DAB1: variants seen among roughly 807,000 people sequenced by gnomAD.
The protein encoded by DAB1 is DAB adaptor protein 1.
DAB1 carries 15 observed loss-of-function variants against 64.6 expected under a neutral mutation model. The ratio of observed to expected loss-of-function variants is 0.23; its 90% confidence interval spans 0.16 to 0.36. DAB1 has a LOEUF of 0.36. Among genes scored for constraint, DAB1 ranks in the 10% least tolerant of loss-of-function variants. DAB1 has a pLI of 1.00. For missense variants in DAB1, 596 were observed against 706.7 expected, an observed-to-expected ratio of 0.84 and a Z score of 1.78; for synonymous variants, 235 against 251.9, an observed-to-expected ratio of 0.93 and a Z score of 0.64.
At chr1:58,136,926 C>A (rs913129823) in intron 5 of DAB1, among the ~76,000 whole-genome samples, 5 of 152,116 alleles carry the variant, frequency 3.3e-5, no homozygotes, top group African/African-American at 4.8e-5. Context: ...TCCACTAAGA[C>A]TTCAAGTTGT....
intron 5 of DAB1, among the ~76,000 whole-genome samples, chr1:58,130,620 C>T (rs1264652003): frequency 1.3e-5 from 2 of 151,898 alleles, no homozygotes; most frequent in African/African-American, 4.8e-5. Flanking sequence ...CATATTTAGT[C>T]CTTCCTTCAG....
intron 1 of DAB1, among the ~76,000 whole-genome samples, chr1:57,353,625 C>G: frequency 6.6e-6 from 1 of 152,150 alleles, no homozygotes; most frequent in East Asian, 1.9e-4. Flanking sequence ...TTTTAAGCAA[C>G]AGAAGAAAGG....
At chr1:58,337,608 T>C (rs1269606538) in intron 4 of DAB1, among the ~76,000 whole-genome samples, 1 of 152,142 alleles carries the variant, frequency 6.6e-6, no homozygotes, top group Non-Finnish European at 1.5e-5. Context: ...CTTCCTCATA[T>C]GTAAAGTGAG....
intron 5 of DAB1, among the ~76,000 whole-genome samples, chr1:57,993,315 G>A (rs1286271761): frequency 6.6e-6 from 1 of 152,084 alleles, no homozygotes; most frequent in Non-Finnish European, 1.5e-5. Flanking sequence ...TAATACTACT[G>A]CTGGCCATGT....
chr1:57,853,529 G>A (rs1653624267), intron 1 of DAB1, among the ~76,000 whole-genome samples: 1 of 152,222 alleles, frequency 6.6e-6, no homozygotes, highest in Admixed American at 6.5e-5. Flanking sequence ...TATATGGTAA[G>A]AGTGAAGCTT....
intron 5 of DAB1, among the ~76,000 whole-genome samples, chr1:57,891,903 T>C (rs1644320642): frequency 6.6e-6 from 1 of 152,074 alleles, no homozygotes; most frequent in African/African-American, 2.4e-5. Context: ...AGACGACGGG[T>C]TGATGGGTGC....
chr1:58,415,699 T>C (rs1235251306), intron 3 of DAB1, among the ~76,000 whole-genome samples: 3 of 152,244 alleles, frequency 2.0e-5, no homozygotes, highest in Non-Finnish European at 4.4e-5. Flanking sequence ...TTATAGAGTG[T>C]CAACCGTGTG....
At chr1:57,349,124 A>G (rs910919063) in intron 1 of DAB1, among the ~76,000 whole-genome samples, 2 of 152,164 alleles carry the variant, frequency 1.3e-5, no homozygotes, top group African/African-American at 4.8e-5. Flanking sequence ...TGACTTTCTA[A>G]AAAGGGTGGG....
At chr1:58,049,609 T>C (rs936660411) in intron 5 of DAB1, among the ~76,000 whole-genome samples, 3 of 152,198 alleles carry the variant, frequency 2.0e-5, no homozygotes, top group East Asian at 1.9e-4. Context: ...AGAAAGAGCA[T>C]GGATTTTGGA....
chr1:57,970,341 C>G (rs1204211624), intron 5 of DAB1, among the ~76,000 whole-genome samples: 1 of 152,140 alleles, frequency 6.6e-6, no homozygotes, highest in Non-Finnish European at 1.5e-5. Context: ...GTAGAGAATA[C>G]TACAGCCACC....
chr1:57,951,334 T>TATCTATC (rs1219655257), intron 5 of DAB1, among the ~76,000 whole-genome samples: 2 of 63,846 alleles, frequency 3.1e-5, no homozygotes, highest in Non-Finnish European at 7.3e-5. Flanking sequence ...ATATATATAC[T>TATCTATC]TCCCTGGAAA....
At chr1:57,154,188 C>T (rs1488333856) in intron 2 of DAB1, among the ~76,000 whole-genome samples, 1 of 152,156 alleles carries the variant, frequency 6.6e-6, no homozygotes, top group African/African-American at 2.4e-5. Context: ...ACTGCAGCCC[C>T]CACTACCCTT....
intron 4 of DAB1, among the ~76,000 whole-genome samples, chr1:57,115,489 T>A (rs1202302316): frequency 6.6e-6 from 1 of 152,168 alleles, no homozygotes; most frequent in Non-Finnish European, 1.5e-5. Context: ...CACTGTCCAA[T>A]AAAGGAGTCA....
intron 1 of DAB1, among the ~76,000 whole-genome samples, chr1:57,347,901 C>T (rs1678248751): frequency 6.6e-6 from 1 of 152,098 alleles, no homozygotes; most frequent in Non-Finnish European, 1.5e-5. Context: ...GGTTACTACA[C>T]TGCTGTTTAG....
chr1:57,663,754 C>T (rs189820444), intron 6 of DAB1, among the ~76,000 whole-genome samples: 191 of 151,994 alleles, frequency 1.3e-3, no homozygotes, highest in African/African-American at 4.2e-3. Context: ...ATGCATGTGA[C>T]GGATCCTTAT....
chr1:58,140,668 T>G lies in DAB1; in HGVS notation n.387+9843A>C, dbSNP rs541825938. On this transcript the variant is annotated intron_variant and non_coding_transcript_variant, in intron 5 of 20. Coordinates refer to the DAB1 transcript ENST00000485760. ...CTGCTCTATGAGTCCATGAAAGTAG[T>G]AGAGACTGTGTTCATTTTGTTTTGT... Among the ~76,000 whole-genome samples, 6 of 152,210 alleles carry G rather than the reference T, an allele frequency of 3.9e-5. No homozygotes were observed. In the South Asian group the frequency reaches 1.2e-3, roughly 31 times the overall value.
chr1:57,160,889 T>G (rs1164206193), intron 2 of DAB1, among the ~76,000 whole-genome samples: 1 of 152,108 alleles, frequency 6.6e-6, no homozygotes, highest in Middle Eastern at 3.2e-3. Context: ...GGGCTGGGTA[T>G]AAACACCCAG....
At chr1:58,489,817 T>A (rs1354024537) in intron 3 of DAB1, among the ~76,000 whole-genome samples, 12 of 152,288 alleles carry the variant, frequency 7.9e-5, no homozygotes, top group Non-Finnish European at 1.6e-4. Context: ...CCGCTGCTGA[T>A]ATCCAGGCAA....
rs1553126248 is a variant in DAB1, at chr1:58,542,990, T to TA, written n.32+3712dup. On this transcript the variant is annotated intron_variant and non_coding_transcript_variant, in intron 1 of 20. Transcript: ENST00000485760. Reference sequence around the variant, plus strand: ...AAGAACTACAAACAAAAAGCTTTTTTAAAAAAAAAAAAGTGGATCCACAGA... The same window carrying TA: ...AAGAACTACAAACAAAAAGCTTTTTTAAAAAAAAAAAAAGTGGATCCACAGA... Among the ~76,000 whole-genome samples, 78 of 145,286 alleles carry TA rather than the reference T, an allele frequency of 5.4e-4. 1 individual carries two copies. Among genetic ancestry groups the TA allele is most frequent in the South Asian group, 1.1e-3 (5 of 4,594 alleles).
Sources: gnomAD v4.1 joint callset for allele counts (sites outside exome capture counted in the v4.1 genomes callset) on GRCh38, gnomAD v4.1.1 for gene constraint, MANE v1.5 for transcripts, NCBI Gene and HGNC (gene_info 2026-07-23, HGNC 2026-07-21) for gene names.